Variants in RFX3 observed in about 807,000 individuals in gnomAD.
RFX3 encodes transcription factor RFX3.
RFX3 carries 14 observed loss-of-function variants against 98.6 expected under a neutral mutation model. The observed-to-expected ratio is 0.14, with a 90% CI of 0.09 to 0.22. The LOEUF (loss-of-function observed/expected upper bound fraction) is 0.22. RFX3 is among the 10% of genes least tolerant of loss of function. The probability of loss-of-function intolerance (pLI) is 1.00; values close to 1 mark genes in which losing one functional copy is unlikely to be tolerated. For missense variants in RFX3, 639 were observed against 926.9 expected (o/e 0.69, Z 4.03); for synonymous variants, 383 against 328.4 (o/e 1.17, Z -1.80).
chr9:3,317,880 T>G (rs1218150326), intron 4 of RFX3, among the ~76,000 whole-genome samples: 1 of 152,200 alleles, frequency 6.6e-6, no homozygotes, highest in Non-Finnish European at 1.5e-5. Flanking sequence ...CAACAGGTGC[T>G]GGAGAGGATG....
At chr9:3,323,891 T>G (rs747696668) in intron 4 of RFX3, 10 of 232,510 alleles carry the variant, frequency 4.3e-5, no homozygotes, top group Non-Finnish European at 9.2e-5. Flanking sequence ...TCTTATCAGC[T>G]TCGAGGCTGG....
chr9:3,254,240 A>T lies in RFX3; in HGVS notation c.1814+2751T>A, dbSNP rs571653673. On this transcript the variant is annotated intron_variant, in intron 14 of 16. Coordinates refer to ENST00000617270, the MANE Select transcript of RFX3 (RefSeq NM_001282116.2). The stretch of plus-strand genomic sequence containing the variant: ...CTCTGTGGAGATGAAGGCTCCAGGG[A>T]TGTATTTCTAAAATGACATCAACTA... 7.3e-4 allele frequency among the ~76,000 whole-genome samples: 111 copies of T among 151,160 alleles called. 1 individual carries two copies. The highest frequency in any genetic ancestry group is 1.3e-3 in the South Asian group (6 of 4,626).
intron 7 of RFX3, among the ~76,000 whole-genome samples, chr9:3,281,268 A>G (rs1825880579): frequency 6.6e-6 from 1 of 151,544 alleles, no homozygotes; most frequent in South Asian, 2.1e-4. Flanking sequence ...CTGATTCTCT[A>G]TACTCTTCAT....
intron 15 of RFX3, among the ~76,000 whole-genome samples, chr9:3,229,414 T>A (rs1440822787): frequency 6.6e-6 from 1 of 152,222 alleles, no homozygotes; most frequent in Non-Finnish European, 1.5e-5. Flanking sequence ...TTTTACAAAA[T>A]CTTTGAGACT....
chr9:3,422,360 A>C (rs764596155), intron 1 of RFX3, among the ~76,000 whole-genome samples: 2 of 152,198 alleles, frequency 1.3e-5, no homozygotes, highest in Non-Finnish European at 2.9e-5. Context: ...GTAATGGTGG[A>C]AGTTCACATG....
At chr9:3,314,205 G>A (rs1830299042) in intron 4 of RFX3, among the ~76,000 whole-genome samples, 1 of 152,154 alleles carries the variant, frequency 6.6e-6, no homozygotes, top group South Asian at 2.1e-4. Flanking sequence ...AGAAGACAGT[G>A]GGGGCCAATA....
intron 1 of RFX3, among the ~76,000 whole-genome samples, chr9:3,396,064 G>A (rs1267033448): frequency 6.7e-6 from 1 of 148,856 alleles, no homozygotes; most frequent in East Asian, 2.0e-4. Context: ...TTTATACTTT[G>A]TTTTAGGGTA....
At chr9:3,404,244 G>A (rs1194949004) in intron 1 of RFX3, among the ~76,000 whole-genome samples, 1 of 152,102 alleles carries the variant, frequency 6.6e-6, no homozygotes, top group Non-Finnish European at 1.5e-5. Context: ...AACACTTGCT[G>A]TAAAACATAA....
intron 2 of RFX3, among the ~76,000 whole-genome samples, chr9:3,394,102 G>C (rs1840603250): frequency 1.3e-5 from 2 of 152,148 alleles, no homozygotes; most frequent in African/African-American, 4.8e-5. Flanking sequence ...GGTAGCTTGA[G>C]GGATGGGAAA....
chr9:3,421,582 C>G (rs1303780063), intron 1 of RFX3, among the ~76,000 whole-genome samples: 1 of 152,174 alleles, frequency 6.6e-6, no homozygotes, highest in Non-Finnish European at 1.5e-5. Context: ...TGAAAACTCT[C>G]AGCATTGCAA....
At chr9:3,504,457 T>TACCATATA (rs1816510172) in intron 1 of RFX3, among the ~76,000 whole-genome samples, 1 of 129,170 alleles carries the variant, frequency 7.7e-6, no homozygotes. Flanking sequence ...ATATATTATA[T>TACCATATA]GCCATATGGT....
intron 1 of RFX3, among the ~76,000 whole-genome samples, chr9:3,470,628 A>G (rs1050113539): frequency 2.6e-5 from 4 of 152,040 alleles, no homozygotes; most frequent in African/African-American, 7.2e-5. Context: ...GCACCGGGCC[A>G]AAGCCCAAAT....
chr9:3,321,224 A>G (rs1002214526), intron 4 of RFX3, among the ~76,000 whole-genome samples: 10 of 152,136 alleles, frequency 6.6e-5, no homozygotes, highest in African/African-American at 2.2e-4. Flanking sequence ...TCTATTACAA[A>G]TAAGTCTACA....
At chr9:3,356,509 C>T (rs1331243028) in intron 2 of RFX3, among the ~76,000 whole-genome samples, 3 of 151,748 alleles carry the variant, frequency 2.0e-5, no homozygotes, top group African/African-American at 7.3e-5. Flanking sequence ...GAGGAAACTC[C>T]AGGCCCTGAT....
chr9:3,259,465 T>C (rs934147182), intron 13 of RFX3, among the ~76,000 whole-genome samples: 1 of 150,904 alleles, frequency 6.6e-6, no homozygotes, highest in African/African-American at 2.4e-5. Context: ...TTCAAGTCTA[T>C]AATTAAAAAA....
intron 1 of RFX3, among the ~76,000 whole-genome samples, chr9:3,505,282 ACATT>A (rs1270588296): frequency 1.9e-4 from 13 of 69,554 alleles, no homozygotes; most frequent in South Asian, 5.1e-4. Flanking sequence ...ATGAATATAT[ACATT>A]TTTATATTTA....
intron 1 of RFX3, among the ~76,000 whole-genome samples, chr9:3,409,475 A>C (rs1349621887): frequency 1.3e-5 from 2 of 152,246 alleles, no homozygotes; most frequent in South Asian, 2.1e-4. Flanking sequence ...TTAAAATCAA[A>C]TTAAAACTTA....
At chr9:3,465,313 C>CA (rs1180863754) in intron 1 of RFX3, among the ~76,000 whole-genome samples, 2 of 151,832 alleles carry the variant, frequency 1.3e-5, no homozygotes, top group African/African-American at 2.4e-5. Context: ...TTTTTTGAAA[C>CA]AGAGTCTCAC....
intron 4 of RFX3, among the ~76,000 whole-genome samples, chr9:3,325,012 A>T (rs1831754710): frequency 6.6e-6 from 1 of 152,072 alleles, no homozygotes. Flanking sequence ...GAACTTGGTA[A>T]TACTGGTTGC....
Sources: allele counts gnomAD v4.1 joint callset (sites outside exome capture counted in the v4.1 genomes callset), GRCh38; gene constraint gnomAD v4.1.1; transcripts MANE v1.5; gene names NCBI Gene and HGNC (gene_info 2026-07-23, HGNC 2026-07-21).